The following NAV2 variants were observed in gnomAD, a reference collection of about 807,000 sequenced individuals.
NAV2 encodes helicase, APC down-regulated 1.
A neutral mutation model predicts 223.2 loss-of-function variants in NAV2; 54 were observed. The ratio of observed to expected loss-of-function variants is 0.24; its 90% CI spans 0.19 to 0.30. The LOEUF is 0.30. Ranked by LOEUF, NAV2 falls within the 10% of genes least tolerant of loss-of-function variation. The pLI is 1.00. For synonymous variants in NAV2, 1,279 were observed against 1,239.3 expected (o/e 1.03, Z -0.67); for missense variants, 2,806 against 3,147.5 (o/e 0.89, Z 2.60).
At chr11:19,717,816 C>T (rs1231709076) in intron 1 of NAV2, among the ~76,000 whole-genome samples, 3 of 152,142 alleles carry the variant, frequency 2.0e-5, no homozygotes, top group East Asian at 1.9e-4. Context: ...GAATATTCAA[C>T]GTGGTAGTTA....
At chr11:19,951,677 C>T (rs748092826) in intron 10 of NAV2, among the ~76,000 whole-genome samples, 13 of 152,156 alleles carry the variant, frequency 8.5e-5, no homozygotes, top group Admixed American at 4.6e-4. Flanking sequence ...AAGGTGGAGA[C>T]ATTGAAACAC....
intron 11 of NAV2, among the ~76,000 whole-genome samples, chr11:20,031,650 T>C (rs570630917): frequency 6.6e-6 from 1 of 152,326 alleles, no homozygotes; most frequent in East Asian, 1.9e-4. Flanking sequence ...TGCTTCCCAC[T>C]GTGCCAGCTT....
intron 22 of NAV2, among the ~76,000 whole-genome samples, chr11:20,071,288 G>T (rs1443218494): frequency 1.3e-5 from 2 of 152,140 alleles, no homozygotes; most frequent in Non-Finnish European, 2.9e-5. Context: ...AAAAGGACAT[G>T]AACTCATCCT....
chr11:19,616,335 T>TGTGTGC (rs1159006427), intron 1 of NAV2, among the ~76,000 whole-genome samples: 59 of 148,402 alleles, frequency 4.0e-4, no homozygotes, highest in African/African-American at 1.5e-3. Flanking sequence ...TGTGTGTGTG[T>TGTGTGC]GCGCGCGCAT....
At chr11:20,050,397 G>A (rs1397156748) in intron 16 of NAV2, among the ~76,000 whole-genome samples, 2 of 151,966 alleles carry the variant, frequency 1.3e-5, no homozygotes, top group African/African-American at 2.4e-5. Flanking sequence ...TGTTCTGTGT[G>A]CCCATTTCCT....
chr11:19,476,533 C>T (rs2042120605), intron 1 of NAV2, among the ~76,000 whole-genome samples: 1 of 152,150 alleles, frequency 6.6e-6, no homozygotes, highest in African/African-American at 2.4e-5. Context: ...CACTTTGATG[C>T]CACTACCCTC....
chr11:19,865,013 T>TC (rs1460625178), intron 3 of NAV2, among the ~76,000 whole-genome samples: 1 of 152,118 alleles, frequency 6.6e-6, no homozygotes, highest in Non-Finnish European at 1.5e-5. Context: ...TCTCACCCAG[T>TC]CCCCAGCCCC....
At chr11:19,536,440 G>A (rs1652576653) in intron 1 of NAV2, among the ~76,000 whole-genome samples, 2 of 152,272 alleles carry the variant, frequency 1.3e-5, no homozygotes, top group Non-Finnish European at 2.9e-5. Context: ...GGGACCAGCT[G>A]TACCAGCTCA....
intron 11 of NAV2, among the ~76,000 whole-genome samples, chr11:19,994,820 C>T (rs2051708844): frequency 6.6e-6 from 1 of 152,178 alleles, no homozygotes; most frequent in Admixed American, 6.5e-5. Context: ...AGCCAGTTCA[C>T]ACCAGATAGA....
intron 11 of NAV2, among the ~76,000 whole-genome samples, chr11:20,016,365 G>C (rs1378954958): frequency 6.6e-6 from 1 of 152,156 alleles, no homozygotes; most frequent in Non-Finnish European, 1.5e-5. Context: ...AGAATGGGAA[G>C]GGCATAAGCA....
chr11:19,552,092 G>A (rs1456573874), intron 1 of NAV2, among the ~76,000 whole-genome samples: 3 of 152,188 alleles, frequency 2.0e-5, no homozygotes, highest in African/African-American at 7.2e-5. Context: ...GCTGAGACTG[G>A]GGTGGCCTGG....
chr11:19,670,200 G>A (rs1387346520), intron 1 of NAV2, among the ~76,000 whole-genome samples: 1 of 152,172 alleles, frequency 6.6e-6, no homozygotes, highest in Non-Finnish European at 1.5e-5. Flanking sequence ...ACTCACAGCA[G>A]TGACTCCCAC....
At chr11:19,937,947 G>T (rs776524414) in intron 7 of NAV2, among the ~76,000 whole-genome samples, 1 of 152,218 alleles carries the variant, frequency 6.6e-6, no homozygotes, top group Non-Finnish European at 1.5e-5. Context: ...GTCAAGGAAA[G>T]CTCTCAGGAA....
intron 11 of NAV2, among the ~76,000 whole-genome samples, chr11:20,005,794 C>T (rs915282505): frequency 6.6e-6 from 1 of 152,198 alleles, no homozygotes; most frequent in African/African-American, 2.4e-5. Context: ...GAGAAGTGAA[C>T]TTGCCTGAGG....
At chr11:19,528,599 G>T (rs1197907435) in intron 1 of NAV2, among the ~76,000 whole-genome samples, 1 of 151,610 alleles carries the variant, frequency 6.6e-6, no homozygotes, top group Non-Finnish European at 1.5e-5. Flanking sequence ...CCTTCAGGCT[G>T]CCAAGTAAAA....
Position 19,399,253 on chromosome 11 carries a change from T to C in NAV2, c.75+48226T>C, listed in dbSNP as rs140092466. Among the ~76,000 whole-genome samples, 398 of 152,232 alleles carry C rather than the reference T, an allele frequency of 2.6e-3. 3 individuals carry two copies. Among genetic ancestry groups the C allele is most frequent in the African/African-American group, 9.0e-3 (372 of 41,558 alleles). ...TTGCAAGAAAAAAATCAGAACTCCC[T>C]CTACCCACGCTGCACTCCCTGCCAC... On this transcript the variant is annotated intron_variant, in intron 1 of 37. Transcript: ENST00000360655.
intron 1 of NAV2, among the ~76,000 whole-genome samples, chr11:19,570,944 A>G (rs956797525): frequency 6.6e-6 from 1 of 152,224 alleles, no homozygotes; most frequent in Admixed American, 6.5e-5. Flanking sequence ...GGCGTACACC[A>G]AAAAAGAATT....
chr11:19,892,675 G>C, intron 6 of NAV2, 81 bp downstream of exon 6: 26 of 1,467,818 alleles, frequency 1.8e-5, no homozygotes, highest in Non-Finnish European at 2.4e-5. Context: ...AATTGGGTTG[G>C]GTCATGGGGA....
At chr11:19,979,043 T>C (rs2050067219) in intron 10 of NAV2, 1 of 152,210 alleles carries the variant, frequency 6.6e-6, no homozygotes, top group Non-Finnish European at 1.5e-5. Flanking sequence ...TACCAACCTA[T>C]TCTGTAGAGA....
Sources: gnomAD v4.1 joint callset for allele counts (sites outside exome capture counted in the v4.1 genomes callset) on GRCh38, gnomAD v4.1.1 for gene constraint, MANE v1.5 for transcripts, NCBI Gene and HGNC (gene_info 2026-07-23, HGNC 2026-07-21) for gene names.